RANBP17: variants seen among roughly 807,000 people sequenced by gnomAD.
RANBP17 encodes the protein ran-binding protein 17.
RANBP17 carries 158 observed loss-of-function variants against 141.2 expected under a neutral mutation model. That is an observed-to-expected ratio of 1.12 (90% CI 0.98 to 1.28). The LOEUF (loss-of-function observed/expected upper bound fraction) is 1.28. RANBP17 is among the 50% of genes most tolerant of loss of function. RANBP17 has a pLI of 0.00. For missense variants in RANBP17, 1,438 were observed against 1,290.7 expected, an observed-to-expected ratio of 1.11 and a Z score of -1.75; for synonymous variants, 430 against 450.0, an observed-to-expected ratio of 0.96 and a Z score of 0.56.
chr5:171,144,237 A>T (rs1025336294), intron 14 of RANBP17, among the ~76,000 whole-genome samples: 1 of 152,024 alleles, frequency 6.6e-6, no homozygotes, highest in Non-Finnish European at 1.5e-5. Flanking sequence ...GGTGGTGTGC[A>T]CTACTCCCAG....
intron 14 of RANBP17, among the ~76,000 whole-genome samples, chr5:171,045,742 A>G (rs1452241034): frequency 6.6e-6 from 1 of 152,188 alleles, no homozygotes; most frequent in African/African-American, 2.4e-5. Flanking sequence ...TCTGGTGTAC[A>G]GTTCTGTTTT....
chr5:171,061,140 GT>G (rs1259241402), intron 14 of RANBP17, among the ~76,000 whole-genome samples: 2 of 152,030 alleles, frequency 1.3e-5, no homozygotes, highest in African/African-American at 4.8e-5. Context: ...TTTTGGAAGG[GT>G]TTTTTGTGTC....
intron 14 of RANBP17, among the ~76,000 whole-genome samples, chr5:171,075,334 T>C (rs1784853632): frequency 6.6e-6 from 1 of 152,246 alleles, no homozygotes; most frequent in Non-Finnish European, 1.5e-5. Flanking sequence ...TATCTTCTTT[T>C]CTGCTTGTAA....
intron 14 of RANBP17, among the ~76,000 whole-genome samples, chr5:170,972,179 T>C (rs1777036566): frequency 3.2e-5 from 1 of 31,744 alleles, no homozygotes; most frequent in African/African-American, 5.4e-5. Flanking sequence ...TTTAGGATTT[T>C]TTTTTTTTTT....
chr5:170,946,726 C>T (rs1453898559), intron 12 of RANBP17, among the ~76,000 whole-genome samples: 1 of 152,040 alleles, frequency 6.6e-6, no homozygotes, highest in Non-Finnish European at 1.5e-5. Context: ...ATTTTTCATG[C>T]TGGAACAAAG....
At chr5:171,159,146 G>A (rs914939029) in intron 14 of RANBP17, among the ~76,000 whole-genome samples, 6 of 152,104 alleles carry the variant, frequency 3.9e-5, no homozygotes, top group Non-Finnish European at 7.4e-5. Flanking sequence ...AGAATTAAAA[G>A]CTTGTTTAGT....
intron 14 of RANBP17, among the ~76,000 whole-genome samples, chr5:171,021,114 CTTAT>C (rs1259080787): frequency 6.6e-6 from 1 of 152,284 alleles, no homozygotes; most frequent in Non-Finnish European, 1.5e-5. Flanking sequence ...ACTCTTCTGG[CTTAT>C]AGGGTTTCTG....
At chr5:170,952,864 C>A (rs1775313496) in intron 12 of RANBP17, among the ~76,000 whole-genome samples, 2 of 151,910 alleles carry the variant, frequency 1.3e-5, no homozygotes, top group South Asian at 2.1e-4. Flanking sequence ...AAATAATATA[C>A]CTTAAGCAAA....
chr5:171,265,679 A>G lies in RANBP17; in HGVS notation c.2777-2A>G, dbSNP rs1476430508. 1.2e-6 allele frequency: 2 copies of G among 1,607,108 alleles called. No individual in the cohort carries two copies. Among genetic ancestry groups the G allele is most frequent in the Non-Finnish European group, 1.7e-6 (2 of 1,177,986 alleles). On this transcript the variant is annotated splice_acceptor_variant, in intron 24 of 27. Coordinates refer to ENST00000523189, the MANE Select transcript of RANBP17 (RefSeq NM_022897.5). LOFTEE classifies it high-confidence loss of function. Reference sequence around the variant, plus strand: ...ATGAATTCTTATTTACTATTTGTACAGATACAGTTGTCTCCTCCAGCTGCT... The same window carrying G: ...ATGAATTCTTATTTACTATTTGTACGGATACAGTTGTCTCCTCCAGCTGCT...
chr5:171,157,462 T>C (rs550109509), intron 14 of RANBP17, among the ~76,000 whole-genome samples: 1 of 152,368 alleles, frequency 6.6e-6, no homozygotes, highest in East Asian at 1.9e-4. Context: ...GTACTGTATG[T>C]AAAGCTAAAC....
intron 14 of RANBP17, among the ~76,000 whole-genome samples, chr5:171,168,909 C>G (rs1288312538): frequency 6.6e-6 from 1 of 152,022 alleles, no homozygotes; most frequent in African/African-American, 2.4e-5. Flanking sequence ...TTCCTGCCTT[C>G]TGTCACCCTC....
At chr5:171,081,073 G>A (rs955110813) in intron 14 of RANBP17, among the ~76,000 whole-genome samples, 1 of 152,164 alleles carries the variant, frequency 6.6e-6, no homozygotes, top group African/African-American at 2.4e-5. Context: ...GAGGCTCTAA[G>A]TTCGTCTGAC....
At chr5:170,939,403 A>ATTT in intron 12 of RANBP17, among the ~76,000 whole-genome samples, 1 of 148,894 alleles carries the variant, frequency 6.7e-6, no homozygotes, top group African/African-American at 2.5e-5. Flanking sequence ...TTATTTATTT[A>ATTT]AGATGCAGTC....
chr5:171,134,955 A>C (rs1477199511), intron 14 of RANBP17, among the ~76,000 whole-genome samples: 3 of 151,842 alleles, frequency 2.0e-5, no homozygotes, highest in Non-Finnish European at 4.4e-5. Flanking sequence ...TTCCCAAAAC[A>C]GAAAAGTAAG....
At chr5:171,154,465 A>AGACG (rs1758715722) in intron 14 of RANBP17, among the ~76,000 whole-genome samples, 1 of 152,140 alleles carries the variant, frequency 6.6e-6, no homozygotes, top group African/African-American at 2.4e-5. Context: ...TTTTTAGCAG[A>AGACG]GACGGGGTTT....
chr5:171,114,837 A>G (rs1467551765), intron 14 of RANBP17, among the ~76,000 whole-genome samples: 2 of 151,770 alleles, frequency 1.3e-5, no homozygotes, highest in Non-Finnish European at 2.9e-5. Context: ...TGAGTGGCCA[A>G]GTATGGTAGC....
intron 20 of RANBP17, among the ~76,000 whole-genome samples, chr5:171,213,151 GGT>G (rs1241906939): frequency 6.6e-6 from 1 of 151,736 alleles, no homozygotes; most frequent in Non-Finnish European, 1.5e-5. Flanking sequence ...AGATATGTGA[GGT>G]TTATTACTAG....
chr5:171,298,031 T>C (rs1027660724), intron 27 of RANBP17, among the ~76,000 whole-genome samples: 1 of 151,864 alleles, frequency 6.6e-6, no homozygotes, highest in Non-Finnish European at 1.5e-5. Flanking sequence ...TAATTTTTTA[T>C]ATTTTTAGTA....
chr5:170,944,422 A>C (rs1028228902), intron 12 of RANBP17, among the ~76,000 whole-genome samples: 2 of 152,146 alleles, frequency 1.3e-5, no homozygotes, highest in Non-Finnish European at 2.9e-5. Context: ...GCATGCCACC[A>C]TGCCCAGCTA....
Sources: gnomAD v4.1 joint callset for allele counts (sites outside exome capture counted in the v4.1 genomes callset) on GRCh38, gnomAD v4.1.1 for gene constraint, MANE v1.5 for transcripts, NCBI Gene and HGNC (gene_info 2026-07-23, HGNC 2026-07-21) for gene names.